Variants in ST6GALNAC3 observed in about 807,000 individuals in gnomAD.
ST6GALNAC3 encodes the protein ST6 N-acetylgalactosaminide alpha-2,6-sialyltransferase 3.
A neutral mutation model predicts 32.7 loss-of-function variants in ST6GALNAC3; 25 were observed. The observed-to-expected ratio is 0.76, with a 90% CI of 0.56 to 1.07. The LOEUF (loss-of-function observed/expected upper bound fraction) is 1.07, where lower values mean the gene tolerates loss of function less well. Among genes scored for constraint, ST6GALNAC3 ranks in the 50% least tolerant of loss-of-function variants. The probability of loss-of-function intolerance (pLI) is 0.00; values close to 1 mark genes in which losing one functional copy is unlikely to be tolerated. For missense variants in ST6GALNAC3, 355 were observed against 382.4 expected (o/e 0.93, Z 0.60); for synonymous variants, 129 against 133.1 (o/e 0.97, Z 0.21).
chr1:76,595,706 C>T (rs901319680), intron 3 of ST6GALNAC3, among the ~76,000 whole-genome samples: 4 of 144,520 alleles, frequency 2.8e-5, no homozygotes, highest in Non-Finnish European at 4.6e-5. Context: ...CACACACACA[C>T]GGCCATTTTG....
intron 1 of ST6GALNAC3, among the ~76,000 whole-genome samples, chr1:76,294,578 GTTAT>G (rs1406438463): frequency 6.6e-6 from 1 of 152,012 alleles, no homozygotes; most frequent in East Asian, 1.9e-4. Context: ...TGCCTTTCCT[GTTAT>G]TTGTCAGTGT....
At chr1:76,252,071 T>G (rs933051941) in intron 1 of ST6GALNAC3, among the ~76,000 whole-genome samples, 1 of 152,126 alleles carries the variant, frequency 6.6e-6, no homozygotes, top group African/African-American at 2.4e-5. Flanking sequence ...TGGGGAGCGT[T>G]GGTATGGTGG....
chr1:76,256,261 T>A (rs1299296573), intron 1 of ST6GALNAC3, among the ~76,000 whole-genome samples: 1 of 152,194 alleles, frequency 6.6e-6, no homozygotes, highest in Non-Finnish European at 1.5e-5. Context: ...TCTCCAATTC[T>A]AATTCCTTGG....
In ST6GALNAC3 at chr1:76,085,326, G is replaced by A. The variant is rs367765089; in HGVS notation, c.18+10442G>A. Among the ~76,000 whole-genome samples, 11 of 152,290 alleles carry A rather than the reference G, an allele frequency of 7.2e-5. No individual in the cohort carries two copies. In the East Asian group the frequency reaches 1.2e-3, roughly 16 times the overall value. On this transcript the variant is annotated intron_variant, in intron 1 of 4. Transcript: ENST00000328299. ...ACAGGTAAAGTTTGCCAACCCTTGTGCTAGGCTGTTGAGTTCTTTCAGTGG... is the reference window on the plus strand; with the variant it reads ...ACAGGTAAAGTTTGCCAACCCTTGTACTAGGCTGTTGAGTTCTTTCAGTGG...
intron 3 of ST6GALNAC3, among the ~76,000 whole-genome samples, chr1:76,599,717 C>CGTGTGTGT (rs5775354): frequency 4.9e-5 from 7 of 142,028 alleles, no homozygotes; most frequent in African/African-American, 1.8e-4. Context: ...ACTACCGTAT[C>CGTGTGTGT]GTGTGTGTGT....
chr1:76,259,224 A>G (rs1054386972), intron 1 of ST6GALNAC3, among the ~76,000 whole-genome samples: 2 of 152,184 alleles, frequency 1.3e-5, no homozygotes, highest in Non-Finnish European at 2.9e-5. Context: ...CTTACAAAAA[A>G]TCAAAAGGAG....
intron 1 of ST6GALNAC3, among the ~76,000 whole-genome samples, chr1:76,153,691 C>A (rs1478335848): frequency 6.6e-6 from 1 of 152,122 alleles, no homozygotes; most frequent in African/African-American, 2.4e-5. Flanking sequence ...TTAAACATAT[C>A]TATATTTTGT....
chr1:76,265,311 T>C (rs1350826874), intron 1 of ST6GALNAC3, among the ~76,000 whole-genome samples: 1 of 152,174 alleles, frequency 6.6e-6, no homozygotes, highest in Non-Finnish European at 1.5e-5. Flanking sequence ...CATGGGGTGG[T>C]GATAATTGGT....
At chr1:76,495,009 A>G (rs1660765362) in intron 3 of ST6GALNAC3, among the ~76,000 whole-genome samples, 1 of 152,124 alleles carries the variant, frequency 6.6e-6, no homozygotes, top group Non-Finnish European at 1.5e-5. Flanking sequence ...CTTACTCATG[A>G]GAAGGTCAGT....
At chr1:76,308,754 C>A (rs931677559) in intron 1 of ST6GALNAC3, among the ~76,000 whole-genome samples, 7 of 152,122 alleles carry the variant, frequency 4.6e-5, no homozygotes, top group Non-Finnish European at 2.9e-5. Context: ...TACATTTTTA[C>A]TTGTTTGGAA....
chr1:76,624,911 T>G (rs1648871428), intron 3 of ST6GALNAC3, among the ~76,000 whole-genome samples: 1 of 151,960 alleles, frequency 6.6e-6, no homozygotes, highest in Non-Finnish European at 1.5e-5. Flanking sequence ...CGTATTCACA[T>G]GTTTGCTCAT....
At chr1:76,584,745 C>T (rs1646936775) in intron 3 of ST6GALNAC3, among the ~76,000 whole-genome samples, 1 of 152,190 alleles carries the variant, frequency 6.6e-6, no homozygotes, top group African/African-American at 2.4e-5. Flanking sequence ...AATATGGTAT[C>T]CACCACTGAA....
intron 1 of ST6GALNAC3, among the ~76,000 whole-genome samples, chr1:76,305,718 T>C (rs181897361): frequency 1.3e-3 from 202 of 152,226 alleles, no homozygotes; most frequent in Non-Finnish European, 2.5e-3. Flanking sequence ...ATAGTCCAGA[T>C]AGAGTGTACG....
At chr1:76,375,575 G>C (rs1016627999) in intron 2 of ST6GALNAC3, among the ~76,000 whole-genome samples, 1 of 152,148 alleles carries the variant, frequency 6.6e-6, no homozygotes, top group Admixed American at 6.6e-5. Context: ...GGAACAGCGT[G>C]AAGTGACTAG....
intron 2 of ST6GALNAC3, among the ~76,000 whole-genome samples, chr1:76,317,950 T>C (rs758287384): frequency 2.6e-5 from 4 of 152,108 alleles, no homozygotes; most frequent in African/African-American, 4.8e-5. Context: ...TCCCTTTGGA[T>C]TGGCACAAGT....
At chr1:76,367,752 G>A (rs1304448143) in intron 2 of ST6GALNAC3, among the ~76,000 whole-genome samples, 2 of 152,048 alleles carry the variant, frequency 1.3e-5, no homozygotes, top group Non-Finnish European at 2.9e-5. Context: ...TGTATTCCGT[G>A]TGTTGCTGGA....
At chr1:76,348,193 A>G (rs1365767645) in intron 2 of ST6GALNAC3, among the ~76,000 whole-genome samples, 1 of 152,150 alleles carries the variant, frequency 6.6e-6, no homozygotes, top group Non-Finnish European at 1.5e-5. Flanking sequence ...TTTATTTTCT[A>G]ACTTTCTACA....
At chr1:76,574,941 C>T (rs575103164) in intron 3 of ST6GALNAC3, among the ~76,000 whole-genome samples, 1 of 152,192 alleles carries the variant, frequency 6.6e-6, no homozygotes, top group South Asian at 2.1e-4. Context: ...CATGCTAAGG[C>T]AAAGAAGTTG....
chr1:76,629,009 T>G lies in ST6GALNAC3; in HGVS notation c.*203T>G. 1 of 1,380,772 alleles carries G rather than the reference T, an allele frequency of 7.2e-7. No individual in the cohort carries two copies. The highest frequency in any genetic ancestry group is 9.3e-7 in the Non-Finnish European group (1 of 1,072,958). 85.5% of individuals were successfully genotyped at this position (1,380,772 alleles called of 1,614,324 possible). On this transcript the variant is annotated 3_prime_UTR_variant, in exon 5 of 5. Transcript: ENST00000328299. ...TGGAGGATGGTTGTGCTCATGATGT[T>G]CTTTCTGGAGGTTCAACACTACGTA...
Sources: gnomAD v4.1 joint callset for allele counts (sites outside exome capture counted in the v4.1 genomes callset) on GRCh38, gnomAD v4.1.1 for gene constraint, MANE v1.5 for transcripts, NCBI Gene and HGNC (gene_info 2026-07-23, HGNC 2026-07-21) for gene names.